Variants in KCNK13 observed in about 807,000 individuals in gnomAD.
KCNK13 encodes potassium channel subfamily K member 13.
A neutral mutation model predicts 23.4 loss-of-function variants in KCNK13; 12 were observed. The observed-to-expected ratio is 0.51, with a 90% CI of 0.33 to 0.83. KCNK13 has a LOEUF of 0.83. Ranked by LOEUF, KCNK13 falls within the 40% of genes least tolerant of loss-of-function variation. The probability of loss-of-function intolerance (pLI) is 0.02; values close to 1 mark genes in which losing one functional copy is unlikely to be tolerated. For synonymous variants in KCNK13, 231 were observed against 229.5 expected, an observed-to-expected ratio of 1.01 and a Z score of -0.06; for missense variants, 463 against 556.3, an observed-to-expected ratio of 0.83 and a Z score of 1.69.
intron 1 of KCNK13, among the ~76,000 whole-genome samples, chr14:90,118,096 C>G (rs1412062041): frequency 6.6e-6 from 1 of 152,150 alleles, no homozygotes; most frequent in Non-Finnish European, 1.5e-5. Context: ...CAGTGCCTCC[C>G]CAAATAATAG....
In KCNK13 at chr14:90,119,769, C is replaced by T. The variant is rs142651126; in HGVS notation, c.334+57230C>T. Among the ~76,000 whole-genome samples, 1,280 of 152,142 alleles carry T rather than the reference C, an allele frequency of 8.4e-3. 19 individuals are homozygous for T. Among genetic ancestry groups the T allele is most frequent in the African/African-American group, 0.029 (1,224 of 41,504 alleles). ...CACCCAACACCACGCCTGGCTAATA[C>T]TTGTATTTTTAGTAGAGAGAAGGTT... On this transcript the variant is annotated intron_variant, in intron 1 of 1. Transcript: ENST00000282146.
chr14:90,062,466 C>T lies in KCNK13; in HGVS notation c.261C>T (p.Arg87=), dbSNP rs1431008121. Residue 87 remains arginine (R), a synonymous_variant, in exon 1 of 2, where the codon CGC becomes CGT. Transcript: ENST00000282146. This position sits in a 1 kb window ranked among gnomAD's most constrained non-coding sequence, Gnocchi z 4.5. ...AGGAGGCCACTCGGGCCGGCATCCGCGTGGACAACGTCCGCCCGCGCTGGG... is the reference window on the plus strand; with the variant it reads ...AGGAGGCCACTCGGGCCGGCATCCGTGTGGACAACGTCCGCCCGCGCTGGG... ...HYEEATRAGI[R]VDNVRPRWDF... The T allele has an allele frequency of 2.6e-6, 4 of 1,544,604 alleles. No homozygotes were observed. Among genetic ancestry groups the T allele is most frequent in the African/African-American group, 1.4e-5 (1 of 72,498 alleles).
At chr14:90,159,442 C>A (rs1890228665) in intron 1 of KCNK13, among the ~76,000 whole-genome samples, 1 of 152,194 alleles carries the variant, frequency 6.6e-6, no homozygotes, top group Non-Finnish European at 1.5e-5. Flanking sequence ...AGGCAGATGG[C>A]CTGGGTCTGT....
intron 1 of KCNK13, among the ~76,000 whole-genome samples, chr14:90,080,203 C>T (rs1275069346): frequency 6.6e-6 from 1 of 152,116 alleles, no homozygotes; most frequent in Non-Finnish European, 1.5e-5. Context: ...CCTGTAACCC[C>T]AGCACTTTGA....
At chr14:90,174,085 T>TC (rs1333017145) in intron 1 of KCNK13, among the ~76,000 whole-genome samples, 2 of 152,026 alleles carry the variant, frequency 1.3e-5, no homozygotes, top group African/African-American at 4.8e-5. Flanking sequence ...GGCGGGCGGA[T>TC]CATGAGGTCA....
chr14:90,180,919 C>T (rs560156334), intron 1 of KCNK13, among the ~76,000 whole-genome samples: 1 of 152,174 alleles, frequency 6.6e-6, no homozygotes, highest in South Asian at 2.1e-4. Context: ...TGCGGTGGCG[C>T]AATCTTGGCT....
Position 90,184,322 on chromosome 14 carries a change from T to G in KCNK13, c.546T>G (p.Cys182Trp), listed in dbSNP as rs1596815098. Reference sequence around the variant, plus strand: ...AGAGCCTGAAGGATGCGGGGCAGTGTGAGGTGGACAGCCTGGCCGGCTGGA... The same window carrying G: ...AGAGCCTGAAGGATGCGGGGCAGTGGGAGGTGGACAGCCTGGCCGGCTGGA... ...PQESLKDAGQCEVDSLAGWKP... is the reference protein window; with the variant it reads ...PQESLKDAGQWEVDSLAGWKP... Residue 182 changes from cysteine (C) to tryptophan (W), a missense_variant, in exon 2 of 2, where the codon TGT (cysteine) becomes TGG (tryptophan). Around this residue, in one of 3 missense-constraint regions of KCNK13, gnomAD observed 144 missense variants for 224.0 expected, o/e 0.64. Transcript: ENST00000282146. This position sits in a 1 kb window ranked among gnomAD's most constrained non-coding sequence, Gnocchi z 5.6. 6.2e-7 allele frequency: 1 copy of G among 1,614,214 alleles called. No homozygotes were observed. The highest frequency in any genetic ancestry group is 8.5e-7 in the Non-Finnish European group (1 of 1,180,026).
At chr14:90,067,894 GA>G (rs1889027265) in intron 1 of KCNK13, among the ~76,000 whole-genome samples, 2 of 152,242 alleles carry the variant, frequency 1.3e-5, no homozygotes, top group Non-Finnish European at 2.9e-5. Flanking sequence ...CAGAGTCGGG[GA>G]AGGCTTAGGT....
chr14:90,100,258 A>G (rs745754465), intron 1 of KCNK13, among the ~76,000 whole-genome samples: 4 of 152,198 alleles, frequency 2.6e-5, no homozygotes, highest in African/African-American at 4.8e-5. Flanking sequence ...ACGTGAGTCC[A>G]TGTTTCCACC....
chr14:90,149,772 G>T (rs539962848), intron 1 of KCNK13, among the ~76,000 whole-genome samples: 1 of 152,324 alleles, frequency 6.6e-6, no homozygotes, highest in East Asian at 1.9e-4. Context: ...GTGATGGAAA[G>T]AAGAATTCAG....
At chr14:90,168,866 G>A (rs1890333768) in intron 1 of KCNK13, among the ~76,000 whole-genome samples, 1 of 152,200 alleles carries the variant, frequency 6.6e-6, no homozygotes, top group Non-Finnish European at 1.5e-5. Context: ...ATTGAATCAT[G>A]GAGGGGGCCA....
chr14:90,064,013 G>T (rs1249712952), intron 1 of KCNK13, among the ~76,000 whole-genome samples: 1 of 152,148 alleles, frequency 6.6e-6, no homozygotes, highest in Non-Finnish European at 1.5e-5. Context: ...ACCAGAATGG[G>T]CCCAAGATTG....
rs146486498 is a variant in KCNK13 at position 90,131,673 on chromosome 14, G to A, written c.335-52438G>A. The stretch of plus-strand genomic sequence containing the variant: ...CTCCCAAGCAGCTAGGACTATAGGC[G>A]TAAGCCATCACACCCAGCGAATGTT... On this transcript the variant is annotated intron_variant, in intron 1 of 1. Transcript: ENST00000282146. Among the ~76,000 whole-genome samples, 687 of 152,326 alleles carry A rather than the reference G, an allele frequency of 4.5e-3. 5 individuals carry two copies. Among genetic ancestry groups the A allele is most frequent in the African/African-American group, 0.015 (636 of 41,580 alleles).
intron 1 of KCNK13, among the ~76,000 whole-genome samples, chr14:90,136,870 T>TA (rs1331115238): frequency 1.3e-5 from 2 of 152,152 alleles, no homozygotes; most frequent in African/African-American, 4.8e-5. Context: ...GGCAAAAGGT[T>TA]ACCCCCACGA....
At chr14:90,064,255 T>G (rs1385411792) in intron 1 of KCNK13, among the ~76,000 whole-genome samples, 1 of 152,158 alleles carries the variant, frequency 6.6e-6, no homozygotes, top group Non-Finnish European at 1.5e-5. Flanking sequence ...TTTTTTAGAT[T>G]GAATGGTAAC....
chr14:90,145,972 G>A (rs531786038), intron 1 of KCNK13, among the ~76,000 whole-genome samples: 1 of 139,234 alleles, frequency 7.2e-6, no homozygotes, highest in African/African-American at 2.6e-5. Flanking sequence ...GATCACGCCT[G>A]GGTAACAGAA....
chr14:90,166,723 A>G (rs924683604), intron 1 of KCNK13, among the ~76,000 whole-genome samples: 4 of 151,690 alleles, frequency 2.6e-5, no homozygotes, highest in African/African-American at 9.7e-5. Context: ...AAAAAAAAGA[A>G]ATTTTCTTAT....
At chr14:90,143,525 C>T (rs544894861) in intron 1 of KCNK13, among the ~76,000 whole-genome samples, 4 of 152,256 alleles carry the variant, frequency 2.6e-5, no homozygotes, top group African/African-American at 9.6e-5. Context: ...CACTGATGTA[C>T]ATGTCTGTCT....
intron 1 of KCNK13, among the ~76,000 whole-genome samples, chr14:90,115,308 A>C (rs185441959): frequency 2.1e-4 from 32 of 152,294 alleles, no homozygotes; most frequent in African/African-American, 7.5e-4. Flanking sequence ...ATGATTCTGG[A>C]AGAGCCAGCC....
Sources: allele counts gnomAD v4.1 joint callset (sites outside exome capture counted in the v4.1 genomes callset), GRCh38; gene constraint gnomAD v4.1.1; regional missense constraint gnomAD v4.1.1; non-coding constraint Gnocchi (gnomAD v3.1); transcripts MANE v1.5; gene names NCBI Gene and HGNC (gene_info 2026-07-23, HGNC 2026-07-21).